PTPRK: variants seen among roughly 807,000 people sequenced by gnomAD.
PTPRK encodes receptor-type tyrosine-protein phosphatase kappa.
In PTPRK, 75 loss-of-function variants were observed where a neutral mutation model predicts 178.0. The observed-to-expected ratio is 0.42, with a 90% CI of 0.35 to 0.51. PTPRK has a LOEUF of 0.51. Ranked by LOEUF, PTPRK falls within the 20% of genes least tolerant of loss-of-function variation. PTPRK has a pLI of 0.02. For synonymous variants in PTPRK, 637 were observed against 620.6 expected (o/e 1.03, Z -0.39); for missense variants, 1,441 against 1,797.8 (o/e 0.80, Z 3.59).
chr6:128,472,429 C>A (rs940787798), intron 1 of PTPRK, among the ~76,000 whole-genome samples: 2 of 149,810 alleles, frequency 1.3e-5, no homozygotes, highest in South Asian at 2.2e-4. Flanking sequence ...CACCCCCCCC[C>A]CCTTTAGCTT....
intron 5 of PTPRK, among the ~76,000 whole-genome samples, chr6:128,235,042 T>C (rs1812974249): frequency 6.6e-6 from 1 of 152,144 alleles, no homozygotes; most frequent in Non-Finnish European, 1.5e-5. Flanking sequence ...AAATAATAAA[T>C]ACTCAAGGTT....
At chr6:128,035,526 T>TG (rs201466684) in intron 13 of PTPRK, among the ~76,000 whole-genome samples, 37 of 152,322 alleles carry the variant, frequency 2.4e-4, no homozygotes, top group African/African-American at 8.2e-4. Context: ...ATCTGCCACT[T>TG]GAAGATATAC....
chr6:128,134,143 T>G (rs1298077897), intron 7 of PTPRK, among the ~76,000 whole-genome samples: 2 of 152,228 alleles, frequency 1.3e-5, no homozygotes, highest in East Asian at 3.9e-4. Flanking sequence ...TATTTCCATT[T>G]CCATAGTCAA....
At chr6:128,242,752 C>T (rs560137506) in intron 3 of PTPRK, 150 bp from the exon 4 acceptor site, 1 of 1,220,966 alleles carries the variant, frequency 8.2e-7, no homozygotes, top group African/African-American at 1.5e-5. Context: ...AATTTCCTAA[C>T]TCTTGTACAG....
At chr6:127,979,063 G>GA (rs1774943119) in intron 25 of PTPRK, among the ~76,000 whole-genome samples, 1 of 151,568 alleles carries the variant, frequency 6.6e-6, no homozygotes, top group Non-Finnish European at 1.5e-5. Context: ...CTTTCATACA[G>GA]AAAAAAAGAC....
At chr6:128,011,291 C>T (rs556350474) in intron 13 of PTPRK, among the ~76,000 whole-genome samples, 9 of 151,104 alleles carry the variant, frequency 6.0e-5, no homozygotes, top group Non-Finnish European at 1.2e-4. Context: ...CTATGAGACA[C>T]TTGGCTTTCA....
At chr6:128,027,077 C>T (rs1277306707) in intron 13 of PTPRK, among the ~76,000 whole-genome samples, 1 of 152,162 alleles carries the variant, frequency 6.6e-6, no homozygotes, top group East Asian at 1.9e-4. Flanking sequence ...CACATATATC[C>T]TAATTAGCAA....
intron 7 of PTPRK, among the ~76,000 whole-genome samples, chr6:128,178,929 G>A (rs1411096376): frequency 6.6e-6 from 1 of 151,726 alleles, no homozygotes; most frequent in Admixed American, 6.6e-5. Flanking sequence ...TCTCAAATTT[G>A]CAGTCTACCT....
intron 13 of PTPRK, among the ~76,000 whole-genome samples, chr6:128,021,020 T>C (rs923186805): frequency 1.3e-5 from 2 of 152,218 alleles, no homozygotes; most frequent in African/African-American, 4.8e-5. Context: ...AAAATGATTT[T>C]AGTTGAGCTC....
chr6:128,007,241 G>T (rs1321252420), intron 14 of PTPRK, among the ~76,000 whole-genome samples: 2 of 150,704 alleles, frequency 1.3e-5, no homozygotes, highest in Admixed American at 1.3e-4. Flanking sequence ...AATTGCTTTG[G>T]TAAGTAAGAA....
intron 2 of PTPRK, among the ~76,000 whole-genome samples, chr6:128,354,902 C>T (rs893872769): frequency 2.6e-5 from 4 of 152,172 alleles, no homozygotes; most frequent in Admixed American, 2.6e-4. Flanking sequence ...CTTATCTGTT[C>T]AAGGTCAGGC....
In PTPRK at chr6:128,148,106, T is replaced by C. The variant is rs577787967; in HGVS notation, c.1162+36326A>G. On this transcript the variant is annotated intron_variant, in intron 7 of 29. Transcript: ENST00000368226. Reference sequence around the variant, plus strand: ...GTGAAAAACAATCACAGCCCATATTTGGTTGAACCACAGCATGTGAAGTTC... The same window carrying C: ...GTGAAAAACAATCACAGCCCATATTCGGTTGAACCACAGCATGTGAAGTTC... 4.6e-5 allele frequency among the ~76,000 whole-genome samples: 7 copies of C among 152,288 alleles called. No homozygotes were observed. The East Asian group carries it at 1.2e-3, about 25-fold the overall frequency.
chr6:128,481,773 C>G (rs956100437), intron 1 of PTPRK, among the ~76,000 whole-genome samples: 7 of 151,952 alleles, frequency 4.6e-5, no homozygotes, highest in Non-Finnish European at 1.0e-4. Flanking sequence ...CAAGAACTTT[C>G]ATGAATATAC....
At chr6:128,182,108 TGAAA>T (rs1164978044) in intron 7 of PTPRK, among the ~76,000 whole-genome samples, 2 of 152,136 alleles carry the variant, frequency 1.3e-5, no homozygotes, top group Admixed American at 1.3e-4. Context: ...TCACTACATG[TGAAA>T]GATAGTTTTA....
intron 2 of PTPRK, among the ~76,000 whole-genome samples, chr6:128,359,253 C>T (rs971435520): frequency 6.7e-6 from 1 of 149,830 alleles, no homozygotes; most frequent in African/African-American, 2.4e-5. Flanking sequence ...GAGTTCAAGA[C>T]AAGCCTGGCC....
chr6:128,273,520 T>C (rs1168041037), intron 3 of PTPRK, among the ~76,000 whole-genome samples: 1 of 152,140 alleles, frequency 6.6e-6, no homozygotes, highest in Non-Finnish European at 1.5e-5. Flanking sequence ...AGCTCAAAAC[T>C]AAACAACCTA....
At chr6:128,261,290 T>C (rs931735307) in intron 3 of PTPRK, among the ~76,000 whole-genome samples, 5 of 152,164 alleles carry the variant, frequency 3.3e-5, no homozygotes, top group Admixed American at 3.3e-4. Context: ...TTTTCAATAG[T>C]TATATGGATT....
intron 1 of PTPRK, among the ~76,000 whole-genome samples, chr6:128,467,556 T>G (rs899804277): frequency 6.6e-6 from 1 of 152,190 alleles, no homozygotes; most frequent in African/African-American, 2.4e-5. Flanking sequence ...GCGAAGCATG[T>G]TTGCAGCCCT....
chr6:128,242,434 C>A (rs1045666150), intron 4 of PTPRK, 87 bp downstream of exon 4: 3 of 1,516,562 alleles, frequency 2.0e-6, no homozygotes, highest in African/African-American at 2.8e-5. Context: ...ACAGCAAAAA[C>A]CAAGTGATAA....
Sources: gnomAD v4.1 joint callset for allele counts (sites outside exome capture counted in the v4.1 genomes callset) on GRCh38, gnomAD v4.1.1 for gene constraint, MANE v1.5 for transcripts, NCBI Gene and HGNC (gene_info 2026-07-23, HGNC 2026-07-21) for gene names.